COL19A1: variants seen among roughly 807,000 people sequenced by gnomAD.
COL19A1 encodes the protein collagen alpha-1(XIX) chain.
COL19A1 carries 159 observed loss-of-function variants against 190.2 expected under a neutral mutation model. That is an observed-to-expected ratio of 0.84 (90% CI 0.73 to 0.95). COL19A1 has a LOEUF of 0.95. COL19A1 is among the 40% of genes least tolerant of loss of function. COL19A1 has a pLI of 0.00. For synonymous variants in COL19A1, 509 were observed against 458.9 expected (o/e 1.11, Z -1.39); for missense variants, 1,418 against 1,431.9 (o/e 0.99, Z 0.16).
chr6:70,006,681 G>C (rs1220024730), intron 11 of COL19A1, among the ~76,000 whole-genome samples: 1 of 151,994 alleles, frequency 6.6e-6, no homozygotes, highest in African/African-American at 2.4e-5. Context: ...TATAGTCATA[G>C]ATATATGACT....
At chr6:70,067,598 G>A (rs953617288) in intron 14 of COL19A1, among the ~76,000 whole-genome samples, 1 of 152,044 alleles carries the variant, frequency 6.6e-6, no homozygotes, top group African/African-American at 2.4e-5. Flanking sequence ...TGTAGATCTG[G>A]GAATTGCTGG....
chr6:70,164,939 A>G (rs188767225), intron 36 of COL19A1, among the ~76,000 whole-genome samples: 5 of 152,350 alleles, frequency 3.3e-5, no homozygotes, highest in Middle Eastern at 3.4e-3. Flanking sequence ...AAAAGATTTT[A>G]TGATACTTTC....
At chr6:70,142,976 G>A (rs963857779) in intron 23 of COL19A1, among the ~76,000 whole-genome samples, 156 bp downstream of exon 23, 3 of 152,110 alleles carry the variant, frequency 2.0e-5, no homozygotes, top group African/African-American at 7.2e-5. Flanking sequence ...AATGTCAGGA[G>A]CTATTGGGAA....
At chr6:69,874,233 A>C (rs966666697) in intron 1 of COL19A1, among the ~76,000 whole-genome samples, 4 of 152,244 alleles carry the variant, frequency 2.6e-5, no homozygotes, top group Non-Finnish European at 4.4e-5. Flanking sequence ...GGAGAGGTTC[A>C]GAAAGACACA....
In COL19A1 at chr6:70,142,869, C is replaced by T. The variant is rs779004561; in HGVS notation, c.1626+49C>T. 11 of 1,531,946 alleles carry T rather than the reference C, an allele frequency of 7.2e-6. No individual in the cohort carries two copies. The Admixed American group carries it at 9.2e-5, about 13-fold the overall frequency. 94.9% of individuals were successfully genotyped at this position (1,531,946 alleles called of 1,614,324 possible). A position where few individuals can be genotyped will look rare whatever the true frequency, so the allele number is the denominator to read the frequency against. ...TCTGGAATTGAAATTGAGACTAGGA[C>T]ATGTTTTTAAAAACATCAACATGTG... On this transcript the variant is annotated intron_variant, in intron 23 of 50. Transcript: ENST00000620364.
intron 46 of COL19A1, 94 bp from the exon 47 acceptor site, chr6:70,187,981 G>C: frequency 2.8e-6 from 4 of 1,416,544 alleles, no homozygotes; most frequent in Non-Finnish European, 3.9e-6. Flanking sequence ...AGGCCCAACA[G>C]CTAATAAGTG....
chr6:70,035,318 T>G (rs1226128152), intron 13 of COL19A1, among the ~76,000 whole-genome samples: 1 of 152,240 alleles, frequency 6.6e-6, no homozygotes, highest in Admixed American at 6.5e-5. Context: ...TTGAATAGTT[T>G]GTTGATATAT....
At chr6:70,167,999 A>G (rs776877700) in intron 37 of COL19A1, 26 bp from the exon 38 acceptor site, 3 of 1,537,418 alleles carry the variant, frequency 2.0e-6, no homozygotes, top group Admixed American at 3.5e-5. Context: ...TCCAAGAATA[A>G]TTCTGTATCT....
intron 14 of COL19A1, among the ~76,000 whole-genome samples, chr6:70,054,771 G>C (rs901733132): frequency 6.6e-5 from 10 of 152,136 alleles, no homozygotes; most frequent in African/African-American, 2.4e-4. Flanking sequence ...TGACTACTGT[G>C]ACAATGTAAA....
chr6:70,005,704 A>AG, intron 11 of COL19A1, among the ~76,000 whole-genome samples: 1 of 152,216 alleles, frequency 6.6e-6, no homozygotes, highest in Middle Eastern at 3.4e-3. Context: ...GTGCTTTGCT[A>AG]GGGGGAAACC....
chr6:69,913,372 C>T (rs537816791), intron 4 of COL19A1, among the ~76,000 whole-genome samples: 3 of 152,182 alleles, frequency 2.0e-5, no homozygotes, highest in East Asian at 3.9e-4. Flanking sequence ...TAGAAACAGT[C>T]CCCTCCATTG....
chr6:69,967,664 C>A (rs966501897), intron 11 of COL19A1, among the ~76,000 whole-genome samples: 2 of 151,914 alleles, frequency 1.3e-5, no homozygotes, highest in South Asian at 4.1e-4. Flanking sequence ...TTTTTATTGT[C>A]TTCTTCTTAC....
At chr6:70,113,072 G>A (rs961784266) in intron 16 of COL19A1, among the ~76,000 whole-genome samples, 2 of 152,126 alleles carry the variant, frequency 1.3e-5, no homozygotes, top group South Asian at 2.1e-4. Flanking sequence ...GGATGCTAGC[G>A]ATATCTTAGA....
intron 19 of COL19A1, among the ~76,000 whole-genome samples, chr6:70,139,924 C>CT (rs56675325): frequency 0.18 from 25,470 of 143,740 alleles, 2,751 homozygotes; most frequent in African/African-American, 0.3. Flanking sequence ...GGGTTTTTCT[C>CT]TTTTTTTTTT....
chr6:69,964,266 T>C (rs975074159), intron 11 of COL19A1, among the ~76,000 whole-genome samples: 1 of 152,210 alleles, frequency 6.6e-6, no homozygotes, highest in African/African-American at 2.4e-5. Context: ...AGAATGGCCT[T>C]ATAATAACCA....
At chr6:70,065,172 A>G (rs1781100965) in intron 14 of COL19A1, among the ~76,000 whole-genome samples, 1 of 152,222 alleles carries the variant, frequency 6.6e-6, no homozygotes, top group South Asian at 2.1e-4. Flanking sequence ...CCAAAAGAAC[A>G]AAGCTGGAGG....
intron 27 of COL19A1, among the ~76,000 whole-genome samples, chr6:70,147,237 ATTAAG>A (rs1416844738): frequency 2.0e-5 from 3 of 152,196 alleles, no homozygotes; most frequent in African/African-American, 7.2e-5. Context: ...CTTGTTTTTA[ATTAAG>A]TTAAAACAAG....
intron 16 of COL19A1, among the ~76,000 whole-genome samples, chr6:70,111,582 G>C (rs1339021050): frequency 2.8e-4 from 43 of 152,122 alleles, no homozygotes; most frequent in Admixed American, 2.8e-3. Context: ...CATTCTATGG[G>C]ATTAGTAACA....
chr6:70,140,353 A>C (rs563866799), intron 19 of COL19A1, among the ~76,000 whole-genome samples: 83 of 152,086 alleles, frequency 5.5e-4, no homozygotes, highest in African/African-American at 1.9e-3. Flanking sequence ...AATTTGTATA[A>C]TTTTTATTGC....
Sources: allele counts gnomAD v4.1 joint callset (sites outside exome capture counted in the v4.1 genomes callset), GRCh38; gene constraint gnomAD v4.1.1; transcripts MANE v1.5; gene names NCBI Gene and HGNC (gene_info 2026-07-23, HGNC 2026-07-21).